Variants in KCNIP1 observed in about 807,000 individuals in gnomAD.
KCNIP1 encodes the protein potassium voltage-gated channel interacting protein 1.
A neutral mutation model predicts 33.0 loss-of-function variants in KCNIP1; 18 were observed. The ratio of observed to expected loss-of-function variants is 0.55; its 90% CI spans 0.38 to 0.81. The LOEUF is 0.81. Ranked by LOEUF, KCNIP1 falls within the 30% of genes least tolerant of loss-of-function variation. KCNIP1 has a pLI of 0.00. For synonymous variants in KCNIP1, 93 were observed against 98.3 expected, an observed-to-expected ratio of 0.95 and a Z score of 0.32; for missense variants, 238 against 271.6, an observed-to-expected ratio of 0.88 and a Z score of 0.87.
chr5:170,705,956 T>TACAGCTGC (rs1299036743), intron 1 of KCNIP1, among the ~76,000 whole-genome samples: 1 of 152,226 alleles, frequency 6.6e-6, no homozygotes, highest in Admixed American at 6.5e-5. Context: ...CACTTAGATT[T>TACAGCTGC]ACAGCTGCAA....
rs1461838430 is a variant in KCNIP1, at chr5:170,624,723, C to CGGGG, written c.62-94035_62-94034insGGGG. On this transcript the variant is annotated intron_variant, in intron 1 of 7. Coordinates refer to ENST00000328939, the MANE Select transcript of KCNIP1 (RefSeq NM_014592.4). ...GGGGAGGGGAGGAGAGGAAAGGAGA[C>CGGGG]CGGGGAGGTGGGGGGGGAGAGGGGA... 2.6e-3 allele frequency among the ~76,000 whole-genome samples: 91 copies of CGGGG among 34,600 alleles called. 1 individual carries two copies. The highest frequency in any genetic ancestry group is 0.016 in the East Asian group (19 of 1,152). The allele number at this position is 34,600 out of a possible 152,430, so 22.7% of individuals were successfully genotyped here.
At chr5:170,596,327 A>G (rs914469666) in intron 1 of KCNIP1, among the ~76,000 whole-genome samples, 2 of 152,226 alleles carry the variant, frequency 1.3e-5, no homozygotes, top group Non-Finnish European at 2.9e-5. Context: ...GACAGCTGCC[A>G]GATGAAAGTG....
chr5:170,622,170 G>A (rs1438404220), intron 1 of KCNIP1, among the ~76,000 whole-genome samples: 1 of 152,238 alleles, frequency 6.6e-6, no homozygotes, highest in Non-Finnish European at 1.5e-5. Flanking sequence ...GGTGGGTGGA[G>A]CCGCGTCCTT....
At chr5:170,629,188 T>A (rs569843033) in intron 1 of KCNIP1, among the ~76,000 whole-genome samples, 7 of 152,312 alleles carry the variant, frequency 4.6e-5, no homozygotes, top group African/African-American at 1.7e-4. Context: ...AGACAGACTC[T>A]CAGTCCTCAT....
chr5:170,473,768 C>A (rs1756788507), intron 1 of KCNIP1, among the ~76,000 whole-genome samples: 1 of 152,162 alleles, frequency 6.6e-6, no homozygotes, highest in Non-Finnish European at 1.5e-5. Flanking sequence ...TGATAACAGA[C>A]CCAATTTTGT....
chr5:170,444,670 G>T, intron 1 of KCNIP1, among the ~76,000 whole-genome samples: 1 of 149,990 alleles, frequency 6.7e-6, no homozygotes. Context: ...AATGCTACCA[G>T]TGTCTACAAA....
chr5:170,479,553 A>G (rs1756927998), intron 1 of KCNIP1, among the ~76,000 whole-genome samples: 1 of 152,260 alleles, frequency 6.6e-6, no homozygotes, highest in Non-Finnish European at 1.5e-5. Flanking sequence ...CCTTTAAGAC[A>G]TGAAGACTTC....
At chr5:170,621,608 T>G (rs1265388170) in intron 1 of KCNIP1, among the ~76,000 whole-genome samples, 8 of 152,180 alleles carry the variant, frequency 5.3e-5, no homozygotes. Context: ...ACTCCTGGGC[T>G]CAAGTGACTC....
At position 170,504,143 on chromosome 5, in the gene KCNIP1, A is replaced by G. The variant is rs1435024752; in HGVS notation, c.-430A>G. The G allele has an allele frequency of 2.0e-6, 2 of 995,218 alleles. No individual in the cohort carries two copies. Among genetic ancestry groups the G allele is most frequent in the Non-Finnish European group, 2.4e-6 (2 of 837,480 alleles). The allele number at this position is 995,218 out of a possible 1,614,324, so 61.6% of individuals were successfully genotyped here. ...ACTCGGCCCTCCGAGACCCAGCCCG[A>G]GCGCAGGGAGGGGAGCCGAGTGTGC... is the stretch of plus-strand genomic sequence containing the variant. On this transcript the variant is annotated 5_prime_UTR_variant, in exon 1 of 8. Transcript: ENST00000328939. This position sits in a 1 kb window ranked among gnomAD's most constrained non-coding sequence, Gnocchi z 6.0.
At chr5:170,532,477 T>G (rs749413076) in intron 1 of KCNIP1, among the ~76,000 whole-genome samples, 1 of 152,180 alleles carries the variant, frequency 6.6e-6, no homozygotes, top group Non-Finnish European at 1.5e-5. Flanking sequence ...TATTCTTGTA[T>G]TCTCTTCATC....
chr5:170,503,724 T>TCACACACACACACACACA (rs70979180), upstream of KCNIP1, among the ~76,000 whole-genome samples: 45 of 136,544 alleles, frequency 3.3e-4, no homozygotes, highest in African/African-American at 1.0e-3. Flanking sequence ...CGCACGCACA[T>TCACACACACACACACACA]CACACACACA....
intron 1 of KCNIP1, among the ~76,000 whole-genome samples, chr5:170,386,924 C>T (rs1764498342): frequency 6.6e-6 from 1 of 152,074 alleles, no homozygotes; most frequent in Non-Finnish European, 1.5e-5. Context: ...TTCCACCCTC[C>T]CCTGCTAGGC....
chr5:170,375,629 C>G (rs764084294), intron 1 of KCNIP1: 1 of 143,596 alleles, frequency 7.0e-6, no homozygotes, highest in Non-Finnish European at 1.5e-5. Context: ...CAGCCCTTCA[C>G]AGCTGGCTCT....
intron 1 of KCNIP1, among the ~76,000 whole-genome samples, chr5:170,459,048 TA>T (rs1756451707): frequency 1.3e-5 from 2 of 152,076 alleles, no homozygotes; most frequent in Non-Finnish European, 2.9e-5. Context: ...ACTATTCTTA[TA>T]TCAGACAAAA....
At chr5:170,429,225 A>G (rs1204105657) in intron 1 of KCNIP1, among the ~76,000 whole-genome samples, 2 of 152,158 alleles carry the variant, frequency 1.3e-5, no homozygotes, top group East Asian at 1.9e-4. Context: ...CAGAGGGAAC[A>G]TCTTAAAACA....
chr5:170,453,100 T>C (rs1756294098), intron 1 of KCNIP1, among the ~76,000 whole-genome samples: 1 of 152,242 alleles, frequency 6.6e-6, no homozygotes, highest in Non-Finnish European at 1.5e-5. Context: ...GGTCTCAAAA[T>C]TCTTTGTTAG....
At chr5:170,421,998 TG>T (rs1316044555) in intron 1 of KCNIP1, 2 of 152,072 alleles carry the variant, frequency 1.3e-5, no homozygotes, top group Non-Finnish European at 2.9e-5. Context: ...TGAGATGACT[TG>T]GCAGGGAGAA....
At chr5:170,461,313 T>TAGAAAAAA (rs1424902497) in intron 1 of KCNIP1, among the ~76,000 whole-genome samples, 1 of 152,074 alleles carries the variant, frequency 6.6e-6, no homozygotes, top group Non-Finnish European at 1.5e-5. Flanking sequence ...AAAACAGTCT[T>TAGAAAAAA]AAAATTCACA....
intron 5 of KCNIP1, among the ~76,000 whole-genome samples, chr5:170,727,821 C>G (rs1370450904): frequency 6.6e-6 from 1 of 151,596 alleles, no homozygotes; most frequent in Non-Finnish European, 1.5e-5. Context: ...CGTGCCTGTG[C>G]TCCCAGCTAC....
Sources: allele counts gnomAD v4.1 joint callset (sites outside exome capture counted in the v4.1 genomes callset), GRCh38; gene constraint gnomAD v4.1.1; non-coding constraint Gnocchi (gnomAD v3.1); transcripts MANE v1.5; gene names NCBI Gene and HGNC (gene_info 2026-07-23, HGNC 2026-07-21).